The following FHIT variants were observed in gnomAD, a reference collection of about 807,000 sequenced individuals.
The protein encoded by FHIT is bis(5'-adenosyl)-triphosphatase.
In FHIT, 19 loss-of-function variants were observed where a neutral mutation model predicts 17.9. The observed-to-expected ratio is 1.06, with a 90% confidence interval of 0.74 to 1.56. FHIT has a LOEUF of 1.56. Ranked by LOEUF, FHIT falls within the 40% of genes most tolerant of loss-of-function variation. FHIT has a pLI of 0.00. For missense variants in FHIT, 248 were observed against 189.2 expected (o/e 1.31, Z -1.82); for synonymous variants, 81 against 69.7 (o/e 1.16, Z -0.81).
chr3:61,138,122 G>A (rs986676239), intron 2 of FHIT, among the ~76,000 whole-genome samples: 3 of 152,154 alleles, frequency 2.0e-5, no homozygotes, highest in African/African-American at 4.8e-5. Context: ...GTATTACAAG[G>A]ATTATTGAAT....
At chr3:61,181,993 A>G (rs780329483) in intron 2 of FHIT, among the ~76,000 whole-genome samples, 1 of 152,242 alleles carries the variant, frequency 6.6e-6, no homozygotes, top group African/African-American at 2.4e-5. Context: ...CCATGCCAAC[A>G]TAAGCATTTA....
rs145020079 is a variant in FHIT, at chr3:60,146,310, C to T, written c.104-132158G>A. Among the ~76,000 whole-genome samples the T allele has an allele frequency of 4.6e-5, 7 of 151,428 alleles. No individual in the cohort carries two copies. The East Asian group carries it at 1.2e-3, about 25-fold the overall frequency. On this transcript the variant is annotated intron_variant, in intron 5 of 9. Transcript: ENST00000492590. Reference sequence around the variant, plus strand: ...CTTGCAGCCAATTTCAAGCTACCAACACGCTGTCAACCAGCTCACAGAATT... The same window carrying T: ...CTTGCAGCCAATTTCAAGCTACCAATACGCTGTCAACCAGCTCACAGAATT...
chr3:59,776,091 A>T (rs1477599442), intron 8 of FHIT, among the ~76,000 whole-genome samples: 1 of 152,216 alleles, frequency 6.6e-6, no homozygotes, highest in Non-Finnish European at 1.5e-5. Flanking sequence ...TGTCCACAGG[A>T]GTTAAATGAG....
intron 4 of FHIT, among the ~76,000 whole-genome samples, chr3:60,599,881 T>A (rs1223251174): frequency 6.6e-6 from 1 of 152,084 alleles, no homozygotes; most frequent in Non-Finnish European, 1.5e-5. Context: ...TTAGACCACA[T>A]AATTCTTTGC....
In FHIT at chr3:59,864,921, C is replaced by T. The variant is rs1042847965; in HGVS notation, c.348+57425G>A. ...TATAATCTCCAGAGCAGTTCCTATA[C>T]CATCAAGGCTGCCTCTCCTGAGGGG... On this transcript the variant is annotated intron_variant, in intron 8 of 9. Coordinates refer to ENST00000492590, the MANE Select transcript of FHIT (RefSeq NM_002012.4). Among the ~76,000 whole-genome samples, 5 of 151,928 alleles carry T rather than the reference C, an allele frequency of 3.3e-5. No homozygotes were observed. In the South Asian group the frequency reaches 1.0e-3, roughly 32 times the overall value.
intron 3 of FHIT, among the ~76,000 whole-genome samples, chr3:60,999,143 T>C (rs943225063): frequency 6.6e-6 from 1 of 152,080 alleles, no homozygotes; most frequent in African/African-American, 2.4e-5. Context: ...AACCTCCTGA[T>C]TAAACAAATA....
At chr3:60,867,123 C>T (rs1340233274) in intron 3 of FHIT, among the ~76,000 whole-genome samples, 1 of 152,136 alleles carries the variant, frequency 6.6e-6, no homozygotes, top group Non-Finnish European at 1.5e-5. Flanking sequence ...TGAACACCCA[C>T]TCCCATAAGG....
chr3:60,517,748 T>C (rs959214756), intron 5 of FHIT, among the ~76,000 whole-genome samples: 1 of 152,174 alleles, frequency 6.6e-6, no homozygotes, highest in Non-Finnish European at 1.5e-5. Flanking sequence ...ATCCCCAAGA[T>C]CTGTCTTTTC....
intron 3 of FHIT, among the ~76,000 whole-genome samples, chr3:60,903,569 A>G (rs1424129175): frequency 6.6e-6 from 1 of 152,212 alleles, no homozygotes; most frequent in Non-Finnish European, 1.5e-5. Context: ...AACACAATTA[A>G]TTTAGCAACT....
At chr3:60,488,836 A>G (rs1229400888) in intron 5 of FHIT, among the ~76,000 whole-genome samples, 1 of 152,238 alleles carries the variant, frequency 6.6e-6, no homozygotes, top group African/African-American at 2.4e-5. Context: ...CAGAAGGAAA[A>G]TCAAGATAAA....
intron 4 of FHIT, among the ~76,000 whole-genome samples, chr3:60,615,885 A>C (rs2107741370): frequency 6.6e-6 from 1 of 152,324 alleles, no homozygotes; most frequent in South Asian, 2.1e-4. Context: ...AGTGAAGTTT[A>C]CCAATAAGAA....
chr3:61,128,459 T>A (rs2036672444), intron 2 of FHIT, among the ~76,000 whole-genome samples: 1 of 152,220 alleles, frequency 6.6e-6, no homozygotes, highest in African/African-American at 2.4e-5. Context: ...TAATTTTTTT[T>A]AATCTAACCT....
intron 5 of FHIT, among the ~76,000 whole-genome samples, chr3:60,074,070 T>C (rs912037377): frequency 1.3e-5 from 2 of 152,104 alleles, no homozygotes; most frequent in South Asian, 2.1e-4. Context: ...TCTTTCACTA[T>C]GAGAAGCAGA....
intron 4 of FHIT, among the ~76,000 whole-genome samples, chr3:60,666,580 G>T (rs187274482): frequency 1.3e-5 from 2 of 152,210 alleles, no homozygotes; most frequent in East Asian, 3.9e-4. Context: ...TTGGGATTAC[G>T]TGTGGGGTTC....
At chr3:59,770,284 A>G (rs1389657033) in intron 8 of FHIT, among the ~76,000 whole-genome samples, 1 of 152,186 alleles carries the variant, frequency 6.6e-6, no homozygotes, top group Non-Finnish European at 1.5e-5. Context: ...CCTGAAATAT[A>G]TGTTGAAGCC....
At chr3:60,665,710 G>C (rs1173953385) in intron 4 of FHIT, among the ~76,000 whole-genome samples, 2 of 152,000 alleles carry the variant, frequency 1.3e-5, no homozygotes, top group Non-Finnish European at 2.9e-5. Flanking sequence ...GTTAGATTAT[G>C]TTCTATTATT....
intron 5 of FHIT, among the ~76,000 whole-genome samples, chr3:60,209,187 C>T (rs1209420337): frequency 6.6e-6 from 1 of 152,126 alleles, no homozygotes; most frequent in Non-Finnish European, 1.5e-5. Context: ...TATGTTATTT[C>T]AGCTATACTG....
intron 8 of FHIT, among the ~76,000 whole-genome samples, chr3:59,818,257 C>G (rs1275991109): frequency 6.6e-6 from 1 of 152,102 alleles, no homozygotes; most frequent in African/African-American, 2.4e-5. Flanking sequence ...CCACGTGGGG[C>G]TGTGCAAGCC....
chr3:59,844,606 C>T (rs1387292636), intron 8 of FHIT, among the ~76,000 whole-genome samples: 1 of 152,132 alleles, frequency 6.6e-6, no homozygotes, highest in African/African-American at 2.4e-5. Flanking sequence ...TCTTGCTCTG[C>T]TGTGATGTAT....
Sources: allele counts gnomAD v4.1 joint callset (sites outside exome capture counted in the v4.1 genomes callset), GRCh38; gene constraint gnomAD v4.1.1; transcripts MANE v1.5; gene names NCBI Gene and HGNC (gene_info 2026-07-23, HGNC 2026-07-21).